Variants in KCNH8 observed in about 807,000 individuals in gnomAD.
KCNH8 encodes the protein voltage-gated delayed rectifier potassium channel KCNH8.
Under a neutral mutation model 103.6 loss-of-function variants are expected in KCNH8, and 70 were observed. The ratio of observed to expected loss-of-function variants is 0.68; its 90% CI spans 0.56 to 0.82. The LOEUF (loss-of-function observed/expected upper bound fraction) is 0.82. Ranked by LOEUF, KCNH8 falls within the 40% of genes least tolerant of loss-of-function variation. The probability of loss-of-function intolerance (pLI) is 0.00; values close to 1 mark genes in which losing one functional copy is unlikely to be tolerated. For synonymous variants in KCNH8, 498 were observed against 489.4 expected (o/e 1.02, Z -0.23); for missense variants, 1,217 against 1,329.9 (o/e 0.92, Z 1.32).
intron 3 of KCNH8, among the ~76,000 whole-genome samples, chr3:19,335,455 A>ATG (rs1300327116): frequency 2.1e-4 from 29 of 140,620 alleles, no homozygotes; most frequent in East Asian, 1.5e-3. Context: ...GTATATATAT[A>ATG]TGTGTGTGTG....
chr3:19,194,838 G>A (rs1021288705), intron 1 of KCNH8, among the ~76,000 whole-genome samples: 1 of 151,812 alleles, frequency 6.6e-6, no homozygotes, highest in Non-Finnish European at 1.5e-5. Context: ...ATACTAAGTG[G>A]TGTGATAAAA....
At chr3:19,499,121 G>A (rs935337773) in intron 11 of KCNH8, among the ~76,000 whole-genome samples, 3 of 152,172 alleles carry the variant, frequency 2.0e-5, no homozygotes, top group Admixed American at 6.5e-5. Context: ...GAAAACCAAG[G>A]CTCGAGAACT....
intron 12 of KCNH8, 121 bp downstream of exon 12, chr3:19,510,522 C>T: frequency 1.4e-6 from 1 of 694,354 alleles, no homozygotes; most frequent in Admixed American, 2.2e-5. Flanking sequence ...ACTTGACTTC[C>T]CAATAAGAGA....
intron 11 of KCNH8, among the ~76,000 whole-genome samples, chr3:19,508,033 G>C (rs970031084): frequency 2.6e-5 from 4 of 152,092 alleles, no homozygotes; most frequent in African/African-American, 9.7e-5. Context: ...CTGTTTATGT[G>C]GTGAATCACA....
chr3:19,291,909 T>G (rs562267935), intron 3 of KCNH8, among the ~76,000 whole-genome samples: 66 of 152,334 alleles, frequency 4.3e-4, no homozygotes, highest in African/African-American at 1.5e-3. Flanking sequence ...GCCTTAAACA[T>G]AATAGAAACT....
At chr3:19,443,681 G>A (rs2125176888) in intron 8 of KCNH8, among the ~76,000 whole-genome samples, 1 of 151,868 alleles carries the variant, frequency 6.6e-6, no homozygotes, top group African/African-American at 2.4e-5. Flanking sequence ...AATAGCTTCA[G>A]ATGAATATCA....
intron 11 of KCNH8, among the ~76,000 whole-genome samples, chr3:19,503,091 A>C (rs1405255508): frequency 1.3e-5 from 2 of 151,484 alleles, no homozygotes; most frequent in African/African-American, 2.4e-5. Context: ...GAAAAAAACA[A>C]ACAACCCCAT....
chr3:19,241,323 C>T (rs1053436501), intron 1 of KCNH8, among the ~76,000 whole-genome samples: 5 of 152,084 alleles, frequency 3.3e-5, no homozygotes, highest in African/African-American at 1.2e-4. Flanking sequence ...GGAGATCATA[C>T]GATTCAACTA....
chr3:19,326,886 T>A (rs927527715), intron 3 of KCNH8, among the ~76,000 whole-genome samples: 4 of 152,168 alleles, frequency 2.6e-5, no homozygotes, highest in Non-Finnish European at 5.9e-5. Flanking sequence ...CTGGATTCAT[T>A]CATGTAGCTG....
intron 7 of KCNH8, among the ~76,000 whole-genome samples, chr3:19,409,839 C>T (rs1326354348): frequency 2.0e-5 from 3 of 152,076 alleles, no homozygotes; most frequent in Non-Finnish European, 4.4e-5. Flanking sequence ...TAAGTATGTA[C>T]ACACCAAACA....
chr3:19,342,961 A>G (rs1238122036), intron 4 of KCNH8, among the ~76,000 whole-genome samples: 3 of 152,150 alleles, frequency 2.0e-5, no homozygotes, highest in Non-Finnish European at 4.4e-5. Flanking sequence ...AGTGAAGTAC[A>G]ATATGGTACT....
chr3:19,473,830 T>C lies in KCNH8; in HGVS notation c.2040+16848T>C, dbSNP rs115984067. Reference sequence around the variant, plus strand: ...GAGAACATAAGTGAAAGAAGCAATGTCTTTAATTTAGATTTTCATTCACAT... The same window carrying C: ...GAGAACATAAGTGAAAGAAGCAATGCCTTTAATTTAGATTTTCATTCACAT... On this transcript the variant is annotated intron_variant, in intron 11 of 15. Coordinates refer to ENST00000328405, the MANE Select transcript of KCNH8 (RefSeq NM_144633.3). Among the ~76,000 whole-genome samples the C allele has an allele frequency of 3.1e-3, 478 of 152,320 alleles. 2 individuals carry two copies. Among genetic ancestry groups the C allele is most frequent in the Non-Finnish European group, 4.8e-3 (325 of 68,020 alleles).
intron 3 of KCNH8, among the ~76,000 whole-genome samples, chr3:19,340,195 A>G (rs1057431681): frequency 6.6e-6 from 1 of 152,140 alleles, no homozygotes; most frequent in Non-Finnish European, 1.5e-5. Context: ...CTTCCATGAC[A>G]TAGCAACTAA....
intron 11 of KCNH8, among the ~76,000 whole-genome samples, chr3:19,462,973 A>G (rs1447349504): frequency 2.6e-5 from 4 of 152,134 alleles, no homozygotes; most frequent in Non-Finnish European, 5.9e-5. Flanking sequence ...CCAACCACCA[A>G]TCAAAATCAT....
At chr3:19,523,749 T>C (rs2069013265) in intron 15 of KCNH8, among the ~76,000 whole-genome samples, 1 of 151,974 alleles carries the variant, frequency 6.6e-6, no homozygotes, top group Non-Finnish European at 1.5e-5. Flanking sequence ...GAAAACTGGA[T>C]ACTGGCAAAC....
chr3:19,258,407 G>A (rs1189309819), intron 2 of KCNH8, among the ~76,000 whole-genome samples: 1 of 151,930 alleles, frequency 6.6e-6, no homozygotes, highest in Non-Finnish European at 1.5e-5. Context: ...CAGTAATTAG[G>A]AGAATGCTTT....
chr3:19,184,873 C>CA (rs1461893393), intron 1 of KCNH8, among the ~76,000 whole-genome samples: 1 of 151,928 alleles, frequency 6.6e-6, no homozygotes, highest in African/African-American at 2.4e-5. Context: ...CAGAATCATA[C>CA]AATATGTAGT....
intron 1 of KCNH8, among the ~76,000 whole-genome samples, chr3:19,203,854 A>G (rs954764078): frequency 3.3e-5 from 5 of 152,084 alleles, no homozygotes; most frequent in Admixed American, 2.6e-4. Flanking sequence ...GATAAAATCA[A>G]TGCAATTACT....
chr3:19,491,326 C>T (rs1315608069), intron 11 of KCNH8, among the ~76,000 whole-genome samples: 1 of 152,136 alleles, frequency 6.6e-6, no homozygotes, highest in Non-Finnish European at 1.5e-5. Flanking sequence ...ACCCAGGCCC[C>T]CTTCCCCGCT....
Sources: allele counts gnomAD v4.1 joint callset (sites outside exome capture counted in the v4.1 genomes callset), GRCh38; gene constraint gnomAD v4.1.1; transcripts MANE v1.5; gene names NCBI Gene and HGNC (gene_info 2026-07-23, HGNC 2026-07-21).